Variants in PCDHA5 observed in about 807,000 individuals in gnomAD.
PCDHA5 encodes the protein protocadherin alpha-5.
PCDHA5 carries 43 observed loss-of-function variants against 61.6 expected under a neutral mutation model. The observed-to-expected ratio is 0.70, with a 90% CI of 0.55 to 0.90. The LOEUF (loss-of-function observed/expected upper bound fraction) is 0.90, where lower values mean the gene tolerates loss of function less well. PCDHA5 is among the 40% of genes least tolerant of loss of function. The pLI, the probability that PCDHA5 is intolerant of heterozygous loss-of-function variation, is 0.00. For missense variants in PCDHA5, 1,298 were observed against 1,222.7 expected (o/e 1.06, Z -0.92); for synonymous variants, 627 against 543.9 (o/e 1.15, Z -2.13).
At chr5:140,991,472 C>G (rs1480480128) in intron 3 of PCDHA5, among the ~76,000 whole-genome samples, 1 of 152,172 alleles carries the variant, frequency 6.6e-6, no homozygotes, top group African/African-American at 2.4e-5. Context: ...TCTTACAGTT[C>G]TGGAAGTCAG....
chr5:140,987,078 G>T (rs1158243032), intron 3 of PCDHA5, among the ~76,000 whole-genome samples: 4 of 152,026 alleles, frequency 2.6e-5, no homozygotes, highest in Non-Finnish European at 5.9e-5. Context: ...GCTGGGCGTG[G>T]TGGCAGGTGC....
chr5:140,954,824 C>A (rs1167171102), intron 1 of PCDHA5, among the ~76,000 whole-genome samples: 1 of 152,068 alleles, frequency 6.6e-6, no homozygotes, highest in Admixed American at 6.6e-5. Flanking sequence ...GCTTTAGGCA[C>A]TTTTGTCATG....
intron 1 of PCDHA5, among the ~76,000 whole-genome samples, chr5:140,960,487 GGTTT>G: frequency 6.6e-6 from 1 of 152,236 alleles, no homozygotes; most frequent in South Asian, 2.1e-4. Context: ...CAGAGGTGTA[GGTTT>G]GTTTGTTCCA....
At chr5:140,879,086 A>G (rs1182722619) in intron 1 of PCDHA5, among the ~76,000 whole-genome samples, 2 of 152,226 alleles carry the variant, frequency 1.3e-5, no homozygotes, top group Admixed American at 6.5e-5. Context: ...ATAAGTAGGA[A>G]CAACTGCACA....
At chr5:140,850,241 GCGGT>G in intron 1 of PCDHA5, 1 of 1,593,924 alleles carries the variant, frequency 6.3e-7, no homozygotes, top group Non-Finnish European at 8.6e-7. Context: ...AGATGGTGCT[GCGGT>G]CGGTGGGCGC....
intron 1 of PCDHA5, among the ~76,000 whole-genome samples, chr5:140,905,308 T>C (rs1194215404): frequency 1.3e-5 from 2 of 152,120 alleles, no homozygotes; most frequent in African/African-American, 4.8e-5. Flanking sequence ...TTTCCACACT[T>C]TGTGTTTGTA....
rs782098088 is a variant in PCDHA5, at chr5:140,856,583, CT to C, written c.2352+32458del. On this transcript the variant is annotated intron_variant, in intron 1 of 3. Transcript: ENST00000529859. Reference sequence around the variant, plus strand: ...ACTCAGTCCAAATGAGTATTTTGTTCTTGATATTATAAACAAAAAAGACAAA... The same window carrying C: ...ACTCAGTCCAAATGAGTATTTTGTTCTGATATTATAAACAAAAAAGACAAA... The C allele has an allele frequency of 1.3e-6, 2 of 1,597,002 alleles. 1 individual carries two copies. Among genetic ancestry groups the C allele is most frequent in the African/African-American group, 2.7e-5 (2 of 74,388 alleles).
At chr5:140,857,418 C>T in intron 1 of PCDHA5, 1 of 1,598,514 alleles carries the variant, frequency 6.3e-7, no homozygotes, top group South Asian at 1.1e-5. Context: ...TTCGCGCAGT[C>T]CGAGTACACG....
intron 1 of PCDHA5, among the ~76,000 whole-genome samples, chr5:140,951,285 A>T (rs1267785922): frequency 6.6e-6 from 1 of 152,100 alleles, no homozygotes; most frequent in East Asian, 1.9e-4. Context: ...GTAATTTTGG[A>T]TTATATCTTG....
intron 1 of PCDHA5, among the ~76,000 whole-genome samples, chr5:140,911,000 C>T (rs139648608): frequency 1.9e-3 from 291 of 152,218 alleles, no homozygotes; most frequent in African/African-American, 6.7e-3. Context: ...ACCCCTAGGG[C>T]CCTCCTGGGA....
intron 1 of PCDHA5, among the ~76,000 whole-genome samples, chr5:140,896,089 G>A (rs13174119): frequency 0.32 from 48,051 of 152,038 alleles, 7,939 homozygotes; most frequent in East Asian, 0.53. Flanking sequence ...GGGATTACAG[G>A]CGTGAGCCAC....
At chr5:140,979,083 C>T (rs563728648) in intron 2 of PCDHA5, 76 bp downstream of exon 2, 207 of 1,562,578 alleles carry the variant, frequency 1.3e-4, no homozygotes, top group Admixed American at 6.5e-4. Context: ...TCTCCATAGG[C>T]CAGAAGCAGC....
At chr5:140,956,212 C>A (rs246014) in intron 1 of PCDHA5, among the ~76,000 whole-genome samples, 85,603 of 151,956 alleles carry the variant, frequency 0.56, 24,735 homozygotes, top group African/African-American at 0.69. Context: ...AAGAGGGCAT[C>A]CTTGTCTTGT....
chr5:140,866,180 T>C (rs2049194377), intron 1 of PCDHA5: 1 of 152,136 alleles, frequency 6.6e-6, no homozygotes, highest in African/African-American at 2.4e-5. Context: ...GTAAGAAAAG[T>C]CAGAAAACTG....
intron 1 of PCDHA5, among the ~76,000 whole-genome samples, chr5:140,838,192 C>A (rs1473980507): frequency 1.3e-5 from 2 of 149,554 alleles, no homozygotes; most frequent in Non-Finnish European, 3.0e-5. Flanking sequence ...CAGCTCACTG[C>A]AAAATCCGCC....
At chr5:140,877,178 C>A (rs370071106) in intron 1 of PCDHA5, 34 of 1,613,676 alleles carry the variant, frequency 2.1e-5, no homozygotes, top group Middle Eastern at 1.7e-4. Context: ...CTGGCGACTC[C>A]GGCTGGCAGC....
chr5:140,877,465 G>A, intron 1 of PCDHA5: 1 of 1,613,856 alleles, frequency 6.2e-7, no homozygotes, highest in Non-Finnish European at 8.5e-7. Context: ...CACGGCCACG[G>A]TGCTGGTGTC....
chr5:140,981,861 A>G (rs1554243465), intron 2 of PCDHA5, among the ~76,000 whole-genome samples: 1 of 152,126 alleles, frequency 6.6e-6, no homozygotes, highest in Non-Finnish European at 1.5e-5. Context: ...ACTCCCAGCA[A>G]TGTTTTATGC....
intron 1 of PCDHA5, chr5:140,825,526 G>C (rs1372499626): frequency 4.6e-5 from 7 of 151,322 alleles, no homozygotes; most frequent in Non-Finnish European, 8.8e-5. Flanking sequence ...CCAGGTTCAA[G>C]CGATTCTCCT....
Sources: allele counts gnomAD v4.1 joint callset (sites outside exome capture counted in the v4.1 genomes callset), GRCh38; gene constraint gnomAD v4.1.1; transcripts MANE v1.5; gene names NCBI Gene and HGNC (gene_info 2026-07-23, HGNC 2026-07-21).